Variants in MCF2L observed in about 807,000 individuals in gnomAD.
MCF2L encodes guanine nucleotide exchange factor DBS.
A neutral mutation model predicts 153.4 loss-of-function variants in MCF2L; 97 were observed. The ratio of observed to expected loss-of-function variants is 0.63; its 90% CI spans 0.54 to 0.75. MCF2L has a LOEUF of 0.75. MCF2L is among the 30% of genes least tolerant of loss of function. The pLI is 0.00. For synonymous variants in MCF2L, 659 were observed against 632.2 expected, an observed-to-expected ratio of 1.04 and a Z score of -0.64; for missense variants, 1,347 against 1,495.2, an observed-to-expected ratio of 0.90 and a Z score of 1.64.
At chr13:113,095,421 G>A (rs551506146) in intron 27 of MCF2L, 50 of 1,088,984 alleles carry the variant, frequency 4.6e-5, no homozygotes, top group African/African-American at 2.9e-4. Context: ...ACACAGAGGC[G>A]GAGGCCACGT....
chr13:113,000,045 A>G (rs2083297051), intron 1 of MCF2L, among the ~76,000 whole-genome samples: 1 of 152,092 alleles, frequency 6.6e-6, no homozygotes, highest in Admixed American at 6.5e-5. Context: ...GCTGAGGTGC[A>G]GGTGGCAGGT....
chr13:112,900,014 T>C (rs2081105123), intron 1 of MCF2L, among the ~76,000 whole-genome samples: 1 of 152,162 alleles, frequency 6.6e-6, no homozygotes, highest in South Asian at 2.1e-4. Context: ...AGAGTCCAGC[T>C]TGGGGACGCG....
intron 2 of MCF2L, among the ~76,000 whole-genome samples, chr13:112,908,765 A>C (rs1216081991): frequency 7.0e-6 from 1 of 143,060 alleles, no homozygotes; most frequent in African/African-American, 2.6e-5. Flanking sequence ...ACAGAGTCTC[A>C]CTCTATTGTC....
chr13:112,985,383 A>T (rs562861602), intron 1 of MCF2L: 1 of 470,868 alleles, frequency 2.1e-6, no homozygotes, highest in Non-Finnish European at 4.4e-6. Flanking sequence ...GATCCTCGCC[A>T]TGGGGGACGG....
chr13:113,078,404 G>A lies in MCF2L; in HGVS notation c.1702G>A (p.Ala568Thr). 6.2e-7 allele frequency: 1 copy of A among 1,612,998 alleles called. No individual in the cohort carries two copies. Among genetic ancestry groups the A allele is most frequent in the Non-Finnish European group, 8.5e-7 (1 of 1,179,860 alleles). The part of the protein sequence containing the change: ...GSENSSSEGG[A>T]LRRGPYRRAK... ...TGAGAACTCCAGCTCCGAGGGCGGT[G>A]CGCTCCGGAGAGGGCCCTACCGGAG... is the stretch of plus-strand genomic sequence containing the variant. The change falls in exon 14 of 30, where the codon GCG becomes ACG. Residue 568 changes from alanine to threonine, a missense_variant. Around this residue, in one of 3 missense-constraint regions of MCF2L, gnomAD observed 820 missense variants for 921.2 expected, o/e 0.89. Transcript: ENST00000535094.
intron 1 of MCF2L, among the ~76,000 whole-genome samples, chr13:112,996,317 C>G (rs1300001359): frequency 2.6e-5 from 4 of 152,050 alleles, no homozygotes; most frequent in African/African-American, 9.7e-5. Flanking sequence ...GAGGCCTTGG[C>G]TAGAAAAAAT....
intron 2 of MCF2L, among the ~76,000 whole-genome samples, chr13:112,930,046 A>C (rs181484217): frequency 6.0e-4 from 92 of 152,316 alleles, no homozygotes; most frequent in African/African-American, 2.1e-3. Context: ...GCTTCCACAA[A>C]ACCTCACAAC....
chr13:113,025,948 A>G (rs140639701), intron 3 of MCF2L, among the ~76,000 whole-genome samples: 65 of 25,728 alleles, frequency 2.5e-3, no homozygotes, highest in African/African-American at 2.9e-3. Context: ...TCCCTGTGAG[A>G]TTTCCCCGTC....
chr13:112,959,033 G>A (rs1349923273), intron 2 of MCF2L, among the ~76,000 whole-genome samples: 1 of 152,226 alleles, frequency 6.6e-6, no homozygotes, highest in Non-Finnish European at 1.5e-5. Context: ...ACTTCCGTAC[G>A]CACAGAATGA....
At chr13:112,937,261 G>A (rs974104770) in intron 2 of MCF2L, among the ~76,000 whole-genome samples, 1 of 152,044 alleles carries the variant, frequency 6.6e-6, no homozygotes, top group Non-Finnish European at 1.5e-5. Context: ...CACCATATTG[G>A]CCAGGCTGAT....
intron 1 of MCF2L, among the ~76,000 whole-genome samples, chr13:112,975,147 T>C (rs770835756): frequency 2.0e-5 from 3 of 152,256 alleles, no homozygotes; most frequent in Non-Finnish European, 2.9e-5. Context: ...GAAAGAAGCA[T>C]CTGTTACGCC....
At chr13:113,006,744 G>A (rs1238287288) in intron 1 of MCF2L, among the ~76,000 whole-genome samples, 4 of 152,332 alleles carry the variant, frequency 2.6e-5, no homozygotes, top group Middle Eastern at 3.4e-3. Context: ...TGCTCCCTGC[G>A]GGTGCCACCA....
At position 113,088,620 on chromosome 13, in the gene MCF2L, C is replaced by T; in HGVS notation, c.2826C>T (p.Thr942=). The T allele has an allele frequency of 1.2e-6, 2 of 1,607,328 alleles. No homozygotes were observed. The highest frequency in any genetic ancestry group is 1.7e-6 in the Non-Finnish European group (2 of 1,179,816). ...QSQSLPLPAP[T]STSPSRGNSR... The stretch of plus-strand genomic sequence containing the variant: ...AGAGCCTGCCCCTGCCGGCCCCGAC[C>T]AGCACCAGGTGAGAATGGACACGCT... Residue 942 remains threonine, a synonymous_variant, in exon 25 of 30, where the codon ACC becomes ACT. Transcript: ENST00000535094.
chr13:112,901,264 G>C (rs934782286), intron 1 of MCF2L, among the ~76,000 whole-genome samples: 1 of 152,076 alleles, frequency 6.6e-6, no homozygotes, highest in Admixed American at 6.6e-5. Flanking sequence ...AGTGATTCTC[G>C]TCCCTCAGCC....
Position 113,027,471 on chromosome 13 carries a change from C to T in MCF2L, c.278+2713C>T, listed in dbSNP as rs901334651. Among the ~76,000 whole-genome samples, 20 of 152,134 alleles carry T rather than the reference C, an allele frequency of 1.3e-4. No individual in the cohort carries two copies. The highest frequency in any genetic ancestry group is 4.3e-4 in the African/African-American group (18 of 41,416). On this transcript the variant is annotated intron_variant, in intron 3 of 29. Transcript: ENST00000535094. This position sits in a 1 kb window ranked among gnomAD's most constrained non-coding sequence, Gnocchi z 4.8. ...GCTCGTGACTGACTATGGTCAAAGC[C>T]CTGGACATGGCGGTGTCCTGGTAGC...
At chr13:113,095,064 T>C in intron 27 of MCF2L, 2 of 1,368,786 alleles carry the variant, frequency 1.5e-6, no homozygotes, top group Non-Finnish European at 2.0e-6. Flanking sequence ...TAGAATGCTG[T>C]CACTGAGCCT....
intron 1 of MCF2L, among the ~76,000 whole-genome samples, chr13:113,005,806 CACA>C (rs1351896376): frequency 6.6e-6 from 1 of 152,284 alleles, no homozygotes; most frequent in Admixed American, 6.5e-5. Flanking sequence ...GCTATGGTTT[CACA>C]ACGTGAACTA....
chr13:113,014,481 GTC>G (rs1421113326), intron 1 of MCF2L, among the ~76,000 whole-genome samples: 33 of 152,266 alleles, frequency 2.2e-4, no homozygotes, highest in South Asian at 1.7e-3. Flanking sequence ...CTCTGCCCAG[GTC>G]TCTCTCTTTG....
At chr13:112,933,636 G>A (rs1441623363) in intron 2 of MCF2L, among the ~76,000 whole-genome samples, 1 of 152,270 alleles carries the variant, frequency 6.6e-6, no homozygotes, top group Non-Finnish European at 1.5e-5. Flanking sequence ...AATATTTCTA[G>A]TAGTGCACAA....
Sources: allele counts gnomAD v4.1 joint callset (sites outside exome capture counted in the v4.1 genomes callset), GRCh38; gene constraint gnomAD v4.1.1; regional missense constraint gnomAD v4.1.1; non-coding constraint Gnocchi (gnomAD v3.1); transcripts MANE v1.5; gene names NCBI Gene and HGNC (gene_info 2026-07-23, HGNC 2026-07-21).